Variants in SLC8A1 observed in about 807,000 individuals in gnomAD.
The protein encoded by SLC8A1 is sodium/calcium exchanger 1.
Under a neutral mutation model 68.3 loss-of-function variants are expected in SLC8A1, and 18 were observed. The observed-to-expected ratio is 0.26, with a 90% CI of 0.18 to 0.39. The LOEUF (loss-of-function observed/expected upper bound fraction) is 0.39. SLC8A1 is among the 10% of genes least tolerant of loss of function. SLC8A1 has a pLI of 1.00. For synonymous variants in SLC8A1, 475 were observed against 415.5 expected (o/e 1.14, Z -1.74); for missense variants, 985 against 1,156.7 (o/e 0.85, Z 2.15).
chr2:40,194,926 A>G (rs1364063982), intron 2 of SLC8A1, among the ~76,000 whole-genome samples: 1 of 152,110 alleles, frequency 6.6e-6, no homozygotes, highest in Non-Finnish European at 1.5e-5. Flanking sequence ...CACAGAACCC[A>G]GAAAATATGG....
At chr2:40,310,954 G>T (rs1359546966) in intron 2 of SLC8A1, among the ~76,000 whole-genome samples, 3 of 151,924 alleles carry the variant, frequency 2.0e-5, no homozygotes, top group Non-Finnish European at 4.4e-5. Flanking sequence ...AATTTTTATT[G>T]GTTTAATTGT....
At chr2:40,487,797 C>A (rs748728328) in intron 1 of SLC8A1, among the ~76,000 whole-genome samples, 4 of 152,120 alleles carry the variant, frequency 2.6e-5, no homozygotes, top group Non-Finnish European at 4.4e-5. Context: ...CTGAAAAGGC[C>A]AAGCTGGGTT....
rs1558722071 is a variant in SLC8A1, at chr2:40,200,217, T to TAA, written c.1809-22363_1809-22362insTT. Among the ~76,000 whole-genome samples, 42 of 7,962 alleles carry TAA rather than the reference T, an allele frequency of 5.3e-3. 2 individuals carry two copies. Among genetic ancestry groups the TAA allele is most frequent in the African/African-American group, 0.02 (30 of 1,504 alleles). 5.2% of individuals were successfully genotyped at this position (7,962 alleles called of 152,430 possible). A position where few individuals can be genotyped will look rare whatever the true frequency, so the allele number is the denominator to read the frequency against. The stretch of plus-strand genomic sequence containing the variant: ...TTATATATATATATAAATATATATA[T>TAA]ATTTTTTTATATATATATATAAATA... On this transcript the variant is annotated intron_variant, in intron 2 of 7. Coordinates refer to ENST00000406785, the Ensembl canonical transcript of SLC8A1.
At chr2:40,317,631 G>T (rs937453170) in intron 2 of SLC8A1, among the ~76,000 whole-genome samples, 5 of 152,096 alleles carry the variant, frequency 3.3e-5, no homozygotes, top group East Asian at 1.9e-4. Context: ...ATGTTATACT[G>T]CATTGTGCTT....
At chr2:40,198,466 A>T (rs1490389360) in intron 2 of SLC8A1, among the ~76,000 whole-genome samples, 2 of 151,946 alleles carry the variant, frequency 1.3e-5, no homozygotes, top group African/African-American at 4.8e-5. Flanking sequence ...TAATTAATTC[A>T]TATCACTTCT....
chr2:40,113,872 A>G (rs1009955535), exon 8 of SLC8A1: 1 of 152,780 alleles, frequency 6.5e-6, no homozygotes, highest in African/African-American at 2.4e-5. Context: ...CTAATTTTCC[A>G]TGAAGATCTT....
Position 40,463,429 on chromosome 2 carries a change from T to G in SLC8A1, c.-24-33125A>C, listed in dbSNP as rs186018836. On this transcript the variant is annotated intron_variant, in intron 1 of 7. Coordinates refer to the SLC8A1 transcript ENST00000402441. ...TGTTTTTCCTAAGATCAAGGTGATA[T>G]CTGCTTCATTCTAAAGAATCGCCTT... Among the ~76,000 whole-genome samples, 9 of 152,220 alleles carry G rather than the reference T, an allele frequency of 5.9e-5. No individual in the cohort carries two copies. The South Asian group carries it at 1.7e-3, about 28-fold the overall frequency.
chr2:40,219,643 C>T (rs1170550417), intron 2 of SLC8A1, among the ~76,000 whole-genome samples: 1 of 152,112 alleles, frequency 6.6e-6, no homozygotes, highest in East Asian at 1.9e-4. Flanking sequence ...AAGTTTTTTT[C>T]TTCTCTTCAG....
intron 2 of SLC8A1, among the ~76,000 whole-genome samples, chr2:40,329,490 C>T (rs373158981): frequency 5.3e-5 from 8 of 152,188 alleles, no homozygotes; most frequent in Admixed American, 2.0e-4. Flanking sequence ...TCTTGCTAAA[C>T]CTGAAAGTAT....
intron 2 of SLC8A1, among the ~76,000 whole-genome samples, chr2:40,243,241 G>T (rs1310093659): frequency 6.6e-6 from 1 of 152,138 alleles, no homozygotes; most frequent in Non-Finnish European, 1.5e-5. Context: ...CAGCACTCTG[G>T]GAGGCCAAAG....
At chr2:40,227,258 CCTAT>C (rs3059462) in intron 2 of SLC8A1, among the ~76,000 whole-genome samples, 110,735 of 151,458 alleles carry the variant, frequency 0.73, 41,217 homozygotes, top group Middle Eastern at 0.84. Context: ...AAACAGGGGA[CCTAT>C]CTATCTGTAA....
At chr2:40,188,146 A>G (rs1001247688) in intron 2 of SLC8A1, among the ~76,000 whole-genome samples, 1 of 152,208 alleles carries the variant, frequency 6.6e-6, no homozygotes, top group African/African-American at 2.4e-5. Flanking sequence ...AAATTCTATG[A>G]GAGGGTCACA....
exon 8 of SLC8A1, chr2:40,101,688 C>G (rs1046696234): frequency 6.6e-6 from 1 of 152,104 alleles, no homozygotes; most frequent in Non-Finnish European, 1.5e-5. Context: ...AGCATTTAAA[C>G]CTTTTCTTAA....
intron 1 of SLC8A1, among the ~76,000 whole-genome samples, chr2:40,447,227 C>T (rs896149656): frequency 6.6e-6 from 1 of 152,000 alleles, no homozygotes; most frequent in African/African-American, 2.4e-5. Context: ...ATGATACAGT[C>T]GAATCTATTC....
chr2:40,487,972 T>A (rs1488752184), intron 1 of SLC8A1, among the ~76,000 whole-genome samples: 1 of 152,152 alleles, frequency 6.6e-6, no homozygotes, highest in Non-Finnish European at 1.5e-5. Context: ...GGAAAGAGAA[T>A]TTTAAAAATA....
rs200141780 is a variant in SLC8A1 at position 40,372,779 on chromosome 2, G to A, written c.1808+55694C>T. On this transcript the variant is annotated intron_variant, in intron 2 of 7. Coordinates refer to ENST00000406785, the Ensembl canonical transcript of SLC8A1. ...CCTCCCCTGTAGTTAATAAGCCATCGCTTATACCACGGTATTTTGTTGTTT... is the reference window on the plus strand; with the variant it reads ...CCTCCCCTGTAGTTAATAAGCCATCACTTATACCACGGTATTTTGTTGTTT... Among the ~76,000 whole-genome samples, 12 of 152,124 alleles carry A rather than the reference G, an allele frequency of 7.9e-5. No individual in the cohort carries two copies. The East Asian group carries it at 1.7e-3, about 22-fold the overall frequency.
chr2:40,362,229 G>C (rs1368157076), intron 2 of SLC8A1, among the ~76,000 whole-genome samples: 1 of 151,122 alleles, frequency 6.6e-6, no homozygotes, highest in Admixed American at 6.6e-5. Flanking sequence ...TTGGAAGTAA[G>C]AGAAAAAATT....
chr2:40,427,948 C>T (rs77998795), intron 2 of SLC8A1, among the ~76,000 whole-genome samples: 28 of 152,252 alleles, frequency 1.8e-4, no homozygotes, highest in East Asian at 1.7e-3. Flanking sequence ...GAAACATTAA[C>T]TTATATTGTC....
chr2:40,098,000 T>C (rs192269240), exon 8 of SLC8A1: 1 of 150,938 alleles, frequency 6.6e-6, no homozygotes, highest in Admixed American at 6.6e-5. Flanking sequence ...TGTTTTTTTT[T>C]AATCACAAAG....
Sources: allele counts gnomAD v4.1 joint callset (sites outside exome capture counted in the v4.1 genomes callset), GRCh38; gene constraint gnomAD v4.1.1; transcripts MANE v1.5; gene names NCBI Gene and HGNC (gene_info 2026-07-23, HGNC 2026-07-21).